Variants in RREB1 observed in about 807,000 individuals in gnomAD.
RREB1 encodes ras-responsive element-binding protein 1.
RREB1 carries 27 observed loss-of-function variants against 117.8 expected under a neutral mutation model. The ratio of observed to expected loss-of-function variants is 0.23; its 90% CI spans 0.17 to 0.32. The LOEUF is 0.32. Among genes scored for constraint, RREB1 ranks in the 10% least tolerant of loss-of-function variants. RREB1 has a pLI of 1.00. For synonymous variants in RREB1, 1,298 were observed against 1,026.7 expected, an observed-to-expected ratio of 1.26 and a Z score of -5.05; for missense variants, 2,577 against 2,378.2, an observed-to-expected ratio of 1.08 and a Z score of -1.74.
At chr6:7,200,275 TG>T (rs1765891707) in intron 6 of RREB1, among the ~76,000 whole-genome samples, 83 of 118,690 alleles carry the variant, frequency 7.0e-4, no homozygotes, top group East Asian at 2.7e-3. Context: ...TGTGTGTGTG[TG>T]TGTGTATTTT....
rs1202249043 is a variant in RREB1 at position 7,229,806 on chromosome 6, C to G, written c.1707C>G (p.Thr569=). The G allele has an allele frequency of 1.9e-6, 3 of 1,610,796 alleles. No homozygotes were observed. The highest frequency in any genetic ancestry group is 1.7e-4 in the Middle Eastern group (1 of 6,054). Residue 569 remains threonine, a synonymous_variant, in exon 10 of 13, where the codon ACC becomes ACG. Coordinates refer to ENST00000379938, the MANE Select transcript of RREB1 (RefSeq NM_001003699.4). This position sits in a 1 kb window ranked among gnomAD's most constrained non-coding sequence, Gnocchi z 4.5. ...NAHLLQSKSG[T]QPHAATRLSL... ...ACCTGCTGCAGTCCAAGTCCGGGAC[C>G]CAGCCCCACGCGGCCACGCGGCTCT... is the stretch of plus-strand genomic sequence containing the variant.
At chr6:7,183,835 C>A (rs568939904) in intron 4 of RREB1, 1 of 152,386 alleles carries the variant, frequency 6.6e-6, no homozygotes, top group African/African-American at 2.4e-5. Flanking sequence ...ATTCTCCTTA[C>A]CTGTGGACTA....
intron 1 of RREB1, among the ~76,000 whole-genome samples, chr6:7,159,858 C>T (rs1252228439): frequency 6.6e-6 from 1 of 152,186 alleles, no homozygotes; most frequent in African/African-American, 2.4e-5. Flanking sequence ...GGACTATTTT[C>T]CTAAAGCTGA....
At chr6:7,199,825 G>C (rs1017423710) in intron 6 of RREB1, among the ~76,000 whole-genome samples, 10 of 151,758 alleles carry the variant, frequency 6.6e-5, no homozygotes, top group African/African-American at 2.4e-4. Context: ...CACCATGCCT[G>C]GCCTATTTTT....
chr6:7,141,837 C>G (rs895747638), intron 1 of RREB1, among the ~76,000 whole-genome samples: 2 of 152,196 alleles, frequency 1.3e-5, no homozygotes, highest in Admixed American at 1.3e-4. Context: ...GGTGGCCGGG[C>G]CAGGAAGCAG....
Position 7,229,125 on chromosome 6 carries a change from C to T in RREB1, c.1026C>T (p.Asp342=). 1 of 1,608,898 alleles carries T rather than the reference C, an allele frequency of 6.2e-7. No homozygotes were observed. The highest frequency in any genetic ancestry group is 2.2e-5 in the East Asian group (1 of 44,710). The part of the protein sequence containing the change: ...ALHKQTHVAA[D]QGQEKPQATP... ...ACAAGCAGACCCATGTGGCGGCAGA[C>T]CAGGGTCAAGAAAAGCCGCAGGCCA... The change falls in exon 10 of 13, where the codon GAC becomes GAT. Residue 342 remains aspartate, a synonymous_variant. Coordinates refer to ENST00000379938, the MANE Select transcript of RREB1 (RefSeq NM_001003699.4). The surrounding 1 kb of genome is among the most constrained non-coding windows in gnomAD (Gnocchi z 4.5).
At chr6:7,240,330 A>G in intron 10 of RREB1, 108 bp from the exon 11 acceptor site, 2 of 718,160 alleles carry the variant, frequency 2.8e-6, no homozygotes, top group South Asian at 2.8e-5. Flanking sequence ...GAAGGGATGG[A>G]GGAGGGGGGA....
chr6:7,227,967 T>G (rs1025748041), intron 9 of RREB1, among the ~76,000 whole-genome samples: 4 of 152,232 alleles, frequency 2.6e-5, no homozygotes, highest in African/African-American at 9.6e-5. Flanking sequence ...CTGGGGAGGC[T>G]GAGGCATGAC....
chr6:7,234,996 A>AG (rs1326182383), intron 10 of RREB1, among the ~76,000 whole-genome samples: 1 of 152,204 alleles, frequency 6.6e-6, no homozygotes, highest in African/African-American at 2.4e-5. Context: ...GTTTGAGATA[A>AG]GGGGGGACAC....
chr6:7,133,905 A>G (rs1427284161), intron 1 of RREB1, among the ~76,000 whole-genome samples: 2 of 152,206 alleles, frequency 1.3e-5, no homozygotes, highest in Admixed American at 1.3e-4. Context: ...TATTGTGGAC[A>G]ATAAAACCCA....
chr6:7,168,112 G>A lies in RREB1; in HGVS notation c.-284-8543G>A, dbSNP rs181394606. 2.0e-5 allele frequency among the ~76,000 whole-genome samples: 3 copies of A among 152,090 alleles called. No individual in the cohort carries two copies. In the East Asian group the frequency reaches 5.8e-4, roughly 30 times the overall value. ...CTTTACTAAAAATACAAATTTAGCC[G>A]GGTGTGGTGATGCATGCCTGTAATC... is the stretch of plus-strand genomic sequence containing the variant. On this transcript the variant is annotated intron_variant, in intron 1 of 12. Transcript: ENST00000379938.
Position 7,180,819 on chromosome 6 carries a change from G to A in RREB1, c.-165-305G>A, listed in dbSNP as rs141945290. On this transcript the variant is annotated intron_variant, in intron 2 of 12. Transcript: ENST00000379938. The stretch of plus-strand genomic sequence containing the variant: ...CCTGAGCATCCTTGCAAGGGACTGA[G>A]GCACAGTGTGAAAGAGAATTTGATG... 2.4e-3 allele frequency among the ~76,000 whole-genome samples: 361 copies of A among 152,338 alleles called. 4 individuals carry two copies. The highest frequency in any genetic ancestry group is 8.1e-3 in the African/African-American group (337 of 41,580).
intron 11 of RREB1, among the ~76,000 whole-genome samples, chr6:7,242,939 G>C (rs944739414): frequency 6.6e-6 from 1 of 152,200 alleles, no homozygotes. Flanking sequence ...GTCCTGGACA[G>C]AGAGGCAGCC....
At chr6:7,220,136 C>T (rs745312574) in intron 8 of RREB1, among the ~76,000 whole-genome samples, 3 of 152,176 alleles carry the variant, frequency 2.0e-5, no homozygotes, top group Non-Finnish European at 4.4e-5. Flanking sequence ...CAGCGACTGG[C>T]GTGTCATACA....
intron 8 of RREB1, among the ~76,000 whole-genome samples, chr6:7,222,864 G>T (rs923261750): frequency 6.6e-6 from 1 of 152,034 alleles, no homozygotes; most frequent in East Asian, 1.9e-4. Flanking sequence ...ATATTAAGAG[G>T]CATTCATTCT....
chr6:7,132,975 A>T (rs1054256224), intron 1 of RREB1, among the ~76,000 whole-genome samples: 1 of 152,238 alleles, frequency 6.6e-6, no homozygotes, highest in African/African-American at 2.4e-5. Flanking sequence ...TATCTTTGCT[A>T]TACTATCCAT....
chr6:7,174,575 T>C (rs186897283), intron 1 of RREB1, among the ~76,000 whole-genome samples: 59 of 152,354 alleles, frequency 3.9e-4, no homozygotes, highest in African/African-American at 1.3e-3. Flanking sequence ...ATCTTAATTC[T>C]AGACACTTGT....
chr6:7,172,699 T>TGGGGGGGG (rs1561759575), intron 1 of RREB1, among the ~76,000 whole-genome samples: 1 of 109,594 alleles, frequency 9.1e-6, no homozygotes, highest in African/African-American at 3.6e-5. Context: ...TGTGGGGGGG[T>TGGGGGGGG]GGGGGTGACT....
chr6:7,171,342 G>T (rs191100972), intron 1 of RREB1, among the ~76,000 whole-genome samples: 1 of 152,138 alleles, frequency 6.6e-6, no homozygotes. Flanking sequence ...GCCTTGACGG[G>T]GACGGAAATG....
Sources: gnomAD v4.1 joint callset for allele counts (sites outside exome capture counted in the v4.1 genomes callset) on GRCh38, gnomAD v4.1.1 for gene constraint, Gnocchi (gnomAD v3.1) non-coding constraint, MANE v1.5 for transcripts, NCBI Gene and HGNC (gene_info 2026-07-23, HGNC 2026-07-21) for gene names.